The following BRD3 variants were observed in gnomAD, a reference collection of about 807,000 sequenced individuals.
BRD3 encodes bromodomain containing 3.
BRD3 carries 17 observed loss-of-function variants against 66.8 expected under a neutral mutation model. The ratio of observed to expected loss-of-function variants is 0.25; its 90% CI spans 0.17 to 0.38. BRD3 has a LOEUF of 0.38. Among genes scored for constraint, BRD3 ranks in the 10% least tolerant of loss-of-function variants. The probability of loss-of-function intolerance (pLI) is 1.00; values close to 1 mark genes in which losing one functional copy is unlikely to be tolerated. For synonymous variants in BRD3, 421 were observed against 393.2 expected, an observed-to-expected ratio of 1.07 and a Z score of -0.84; for missense variants, 713 against 956.1, an observed-to-expected ratio of 0.75 and a Z score of 3.35.
At chr9:134,064,652 A>G (rs528780324) in intron 1 of BRD3, among the ~76,000 whole-genome samples, 2 of 152,120 alleles carry the variant, frequency 1.3e-5, no homozygotes, top group East Asian at 3.9e-4. Flanking sequence ...CTCACGGCCA[A>G]GAGTTTGAGA....
chr9:134,047,996 G>A, intron 6 of BRD3, 87 bp downstream of exon 6: 1 of 1,433,786 alleles, frequency 7.0e-7, no homozygotes, highest in Non-Finnish European at 9.2e-7. Context: ...CTCCCCGACA[G>A]CCCCCACTCA....
At chr9:134,046,304 C>T (rs539260169) in intron 6 of BRD3, among the ~76,000 whole-genome samples, 301 of 152,268 alleles carry the variant, frequency 2.0e-3, no homozygotes, top group African/African-American at 6.8e-3. Context: ...ACGCTGTGCC[C>T]GAGGGAGTGA....
At chr9:134,046,003 AGGGGTGGAGGCAACG>A (rs371140753) in intron 6 of BRD3, among the ~76,000 whole-genome samples, 1 of 152,164 alleles carries the variant, frequency 6.6e-6, no homozygotes, top group African/African-American at 2.4e-5. Flanking sequence ...TGAACCCCAC[AGGGGTGGAGGCAACG>A]GGGGCGTGTC....
intron 7 of BRD3, among the ~76,000 whole-genome samples, chr9:134,044,325 A>G (rs1273148062): frequency 6.6e-6 from 1 of 152,186 alleles, no homozygotes. Context: ...CAGGACCCAC[A>G]GGGGGAACGA....
intron 3 of BRD3, among the ~76,000 whole-genome samples, 171 bp downstream of exon 3, chr9:134,052,135 C>T (rs902321623): frequency 3.3e-5 from 5 of 152,070 alleles, no homozygotes; most frequent in Admixed American, 2.0e-4. Context: ...TCAAGTGATC[C>T]GCCGACCTCG....
intron 5 of BRD3, 41 bp downstream of exon 5, chr9:134,050,333 C>T (rs535228970): frequency 1.1e-5 from 18 of 1,576,860 alleles, no homozygotes; most frequent in African/African-American, 5.4e-5. Context: ...GAACCCTGGC[C>T]GGGCTCAGGT....
At chr9:134,035,881 C>T (rs776832680) in intron 10 of BRD3, 151 bp downstream of exon 10, 176 of 1,149,048 alleles carry the variant, frequency 1.5e-4, no homozygotes, top group Non-Finnish European at 1.9e-4. Context: ...CACAGATATC[C>T]TCAGGGCATC....
chr9:134,058,632 G>C (rs80352060), intron 1 of BRD3: 1 of 152,158 alleles, frequency 6.6e-6, no homozygotes, highest in East Asian at 1.9e-4. Flanking sequence ...GCCTTTTCCC[G>C]GGGGGTAGAG....
At chr9:134,047,108 C>CTG (rs1830187890) in intron 6 of BRD3, among the ~76,000 whole-genome samples, 1 of 152,286 alleles carries the variant, frequency 6.6e-6, no homozygotes, top group African/African-American at 2.4e-5. Flanking sequence ...TTTCACCTGA[C>CTG]TGTGCACCGG....
At chr9:134,047,990 C>T in intron 6 of BRD3, 93 bp downstream of exon 6, 1 of 1,423,564 alleles carries the variant, frequency 7.0e-7, no homozygotes, top group Non-Finnish European at 9.2e-7. Flanking sequence ...ACCCTGCTCC[C>T]CGACAGCCCC....
chr9:134,062,055 C>G (rs1377434991), intron 1 of BRD3, among the ~76,000 whole-genome samples: 1 of 152,194 alleles, frequency 6.6e-6, no homozygotes, highest in African/African-American at 2.4e-5. Context: ...CAGTGACAGA[C>G]GGAGCCAACT....
Position 134,036,325 on chromosome 9 carries a change from C to T in BRD3, c.1644-1G>A, listed in dbSNP as rs1829911390. ...CTGCTTGCCGCCTTTCTTCAGCTGT[C>T]TGGGGCAGGAGACAGAGCAACGTGG... On this transcript the variant is annotated splice_acceptor_variant, in intron 9 of 11. Coordinates refer to ENST00000303407, the MANE Select transcript of BRD3 (RefSeq NM_007371.4). LOFTEE classifies it high-confidence loss of function. 1.9e-6 allele frequency: 3 copies of T among 1,599,094 alleles called. No homozygotes were observed. The highest frequency in any genetic ancestry group is 1.3e-5 in the African/African-American group (1 of 74,578).
intron 9 of BRD3, among the ~76,000 whole-genome samples, chr9:134,037,364 G>T (rs553573779): frequency 6.6e-6 from 1 of 152,322 alleles, no homozygotes; most frequent in Admixed American, 6.5e-5. Context: ...CTGAGGTCAG[G>T]AGTTCAAGAC....
chr9:134,040,389 A>T, intron 8 of BRD3, 120 bp from the exon 9 acceptor site: 2 of 1,152,076 alleles, frequency 1.7e-6, no homozygotes, highest in South Asian at 1.5e-5. Context: ...CTGGGTGAGG[A>T]GGTGAACCAG....
chr9:134,068,126 C>CCGCGGGCGCGCGGACTACATGT (rs1217424880), upstream of BRD3: 1 of 143,512 alleles, frequency 7.0e-6, no homozygotes, highest in Non-Finnish European at 1.5e-5. Context: ...CCAGGGGAGG[C>CCGCGGGCGCGCGGACTACATGT]CGCGGGCGCG....
At position 134,040,210 on chromosome 9, in the gene BRD3, CTTT is replaced by C; in HGVS notation, c.1464_1466del (p.Lys492del). ...CCTTCTCCTTCTTCTCCTTCTTCTT[CTTT>C]GGTTTGTTTACTGGGGCCTGAGACA... On this transcript the variant is annotated inframe_deletion, in exon 9 of 12. Coordinates refer to ENST00000303407, the MANE Select transcript of BRD3 (RefSeq NM_007371.4). 6 of 1,585,874 alleles carry C rather than the reference CTTT, an allele frequency of 3.8e-6. No homozygotes were observed. Among genetic ancestry groups the C allele is most frequent in the Non-Finnish European group, 5.1e-6 (6 of 1,166,322 alleles).
rs1407448089 is a variant in BRD3, at chr9:134,045,983, C to T, written c.1087-562G>A. ...CTAAGGGACTCCACGCTGTGTCCAG[C>T]GGCAGCTCCTGAACCCCACAGGGGT... On this transcript the variant is annotated intron_variant, in intron 6 of 11. Coordinates refer to ENST00000303407, the MANE Select transcript of BRD3 (RefSeq NM_007371.4). The surrounding 1 kb of genome is among the most constrained non-coding windows in gnomAD (Gnocchi z 4.8). Among the ~76,000 whole-genome samples the T allele has an allele frequency of 2.0e-5, 3 of 152,218 alleles. No individual in the cohort carries two copies. Among genetic ancestry groups the T allele is most frequent in the Non-Finnish European group, 2.9e-5 (2 of 68,032 alleles).
chr9:134,034,748 T>C lies in BRD3; in HGVS notation c.2018A>G (p.Gln673Arg). 6.2e-7 allele frequency: 1 copy of C among 1,610,170 alleles called. No individual in the cohort carries two copies. Among genetic ancestry groups the C allele is most frequent in the South Asian group, 1.1e-5 (1 of 91,088 alleles). Residue 673 changes from glutamine to arginine, a missense_variant, in exon 11 of 12, where the codon CAG (glutamine) becomes CGG (arginine). By Grantham distance (43) the Gln-to-Arg change is conservative. Around this residue, in one of 5 missense-constraint regions of BRD3, gnomAD observed 418 missense variants for 609.3 expected, o/e 0.69. Coordinates refer to ENST00000303407, the MANE Select transcript of BRD3 (RefSeq NM_007371.4). ...EKKKELEKRL[Q>R]DVSGQLSSSK... Reference sequence around the variant, plus strand: ...GCTGCTCAGCTGCCCGCTGACATCCTGCAGACGCTTTTCCAGCTCCTTCTT... The same window carrying C: ...GCTGCTCAGCTGCCCGCTGACATCCCGCAGACGCTTTTCCAGCTCCTTCTT...
chr9:134,041,537 T>C (rs1243124315), intron 8 of BRD3, among the ~76,000 whole-genome samples: 1 of 152,046 alleles, frequency 6.6e-6, no homozygotes, highest in Non-Finnish European at 1.5e-5. Context: ...TCCAGAAACA[T>C]CCCAGCCACG....
Sources: allele counts gnomAD v4.1 joint callset (sites outside exome capture counted in the v4.1 genomes callset), GRCh38; gene constraint gnomAD v4.1.1; regional missense constraint gnomAD v4.1.1; non-coding constraint Gnocchi (gnomAD v3.1); transcripts MANE v1.5; gene names NCBI Gene and HGNC (gene_info 2026-07-23, HGNC 2026-07-21).